Variants in CARMIL1 observed in about 807,000 individuals in gnomAD.
CARMIL1 encodes capping protein regulator and myosin 1 linker 1, also known as F-actin-uncapping protein LRRC16A.
CARMIL1 carries 90 observed loss-of-function variants against 177.1 expected under a neutral mutation model. That is an observed-to-expected ratio of 0.51 (90% CI 0.43 to 0.61). The LOEUF (loss-of-function observed/expected upper bound fraction) is 0.61, where lower values mean the gene tolerates loss of function less well. Among genes scored for constraint, CARMIL1 ranks in the 20% least tolerant of loss-of-function variants. CARMIL1 has a pLI of 0.00. For synonymous variants in CARMIL1, 577 were observed against 606.2 expected (o/e 0.95, Z 0.71); for missense variants, 1,380 against 1,667.0 (o/e 0.83, Z 3.00).
At chr6:25,330,958 A>C (rs1226447888) in intron 2 of CARMIL1, among the ~76,000 whole-genome samples, 1 of 148,108 alleles carries the variant, frequency 6.8e-6, no homozygotes, top group Non-Finnish European at 1.5e-5. Flanking sequence ...TTTTGCTAAA[A>C]GTTTCCCAGA....
chr6:25,542,319 A>G (rs1224625892), intron 26 of CARMIL1, among the ~76,000 whole-genome samples: 1 of 152,210 alleles, frequency 6.6e-6, no homozygotes, highest in African/African-American at 2.4e-5. Context: ...AAATATCCGA[A>G]GTATAACAAT....
intron 2 of CARMIL1, among the ~76,000 whole-genome samples, chr6:25,373,569 A>G (rs1173592460): frequency 6.9e-6 from 1 of 145,664 alleles, no homozygotes; most frequent in African/African-American, 2.5e-5. Flanking sequence ...TAATGTCTCA[A>G]TTTTCATCTC....
chr6:25,519,650 C>T (rs1452157721), intron 22 of CARMIL1, among the ~76,000 whole-genome samples: 1 of 152,202 alleles, frequency 6.6e-6, no homozygotes, highest in African/African-American at 2.4e-5. Context: ...GAGTGTTTAG[C>T]CAGGCAGCAG....
At chr6:25,605,800 T>C (rs980340688) in intron 34 of CARMIL1, among the ~76,000 whole-genome samples, 1 of 152,224 alleles carries the variant, frequency 6.6e-6, no homozygotes, top group African/African-American at 2.4e-5. Flanking sequence ...TTATTAAATA[T>C]AAAAGCTTGT....
intron 2 of CARMIL1, among the ~76,000 whole-genome samples, chr6:25,403,257 C>T (rs1235253307): frequency 6.6e-6 from 1 of 152,124 alleles, no homozygotes; most frequent in East Asian, 1.9e-4. Context: ...TTCACTTCCT[C>T]AGCAAAACCA....
Position 25,476,749 on chromosome 6 carries a change from G to C in CARMIL1, c.874+4228G>C, listed in dbSNP as rs574507915. Among the ~76,000 whole-genome samples the C allele has an allele frequency of 1.1e-4, 16 of 152,174 alleles. No homozygotes were observed. In the East Asian group the frequency reaches 3.1e-3, roughly 29 times the overall value. Reference sequence around the variant, plus strand: ...GAGAGGTCTATAATTAAGTTATACAGGATATAAAAAACACTAAGCCAGGAC... The same window carrying C: ...GAGAGGTCTATAATTAAGTTATACACGATATAAAAAACACTAAGCCAGGAC... On this transcript the variant is annotated intron_variant, in intron 11 of 36. Transcript: ENST00000329474.
At chr6:25,508,975 CTT>C (rs1271482966) in intron 17 of CARMIL1, among the ~76,000 whole-genome samples, 1 of 152,084 alleles carries the variant, frequency 6.6e-6, no homozygotes, top group Non-Finnish European at 1.5e-5. Flanking sequence ...TTGTCTTTCT[CTT>C]TTAAATAAAA....
chr6:25,355,579 C>T (rs143566196), intron 2 of CARMIL1, among the ~76,000 whole-genome samples: 10 of 152,198 alleles, frequency 6.6e-5, no homozygotes, highest in East Asian at 3.9e-4. Context: ...GAGGTTGAGG[C>T]GGGAGGATCA....
Position 25,326,645 on chromosome 6 carries a change from G to C in CARMIL1, c.138+41736G>C, listed in dbSNP as rs1419539117. Reference sequence around the variant, plus strand: ...ACCTGGAGGTGGGACTCAGCAATCTGCTTTAACAAGTCCTTTGGATGATCT... The same window carrying C: ...ACCTGGAGGTGGGACTCAGCAATCTCCTTTAACAAGTCCTTTGGATGATCT... On this transcript the variant is annotated intron_variant, in intron 2 of 36. Coordinates refer to ENST00000329474, the MANE Select transcript of CARMIL1 (RefSeq NM_017640.6). The surrounding 1 kb of genome is among the most constrained non-coding windows in gnomAD (Gnocchi z 4.2). Among the ~76,000 whole-genome samples the C allele has an allele frequency of 8.5e-5, 13 of 152,152 alleles. No homozygotes were observed.
At chr6:25,291,693 T>G (rs1249049543) in intron 2 of CARMIL1, among the ~76,000 whole-genome samples, 1 of 152,208 alleles carries the variant, frequency 6.6e-6, no homozygotes, top group Non-Finnish European at 1.5e-5. Flanking sequence ...GTTTTGGGAT[T>G]GTATTTTGGG....
chr6:25,520,816 C>T (rs917281069), intron 23 of CARMIL1, among the ~76,000 whole-genome samples: 1 of 152,118 alleles, frequency 6.6e-6, no homozygotes, highest in African/African-American at 2.4e-5. Context: ...CTCAGAGGTA[C>T]CTTCCACTTC....
intron 12 of CARMIL1, among the ~76,000 whole-genome samples, chr6:25,484,343 A>G (rs1477905439): frequency 2.0e-5 from 3 of 152,226 alleles, no homozygotes; most frequent in African/African-American, 7.2e-5. Context: ...CCATGCCATC[A>G]TACACTATTC....
At chr6:25,499,069 C>A (rs925982204) in intron 16 of CARMIL1, among the ~76,000 whole-genome samples, 1 of 152,130 alleles carries the variant, frequency 6.6e-6, no homozygotes, top group Non-Finnish European at 1.5e-5. Flanking sequence ...CATGCCACTG[C>A]TGGAGTTCTC....
chr6:25,613,710 G>A (rs1174020311), intron 36 of CARMIL1, among the ~76,000 whole-genome samples: 3 of 152,172 alleles, frequency 2.0e-5, no homozygotes, highest in African/African-American at 4.8e-5. Context: ...TCAAAAATCC[G>A]TTAAAGGAAA....
chr6:25,609,826 A>G (rs1816352171), intron 35 of CARMIL1, among the ~76,000 whole-genome samples: 1 of 152,218 alleles, frequency 6.6e-6, no homozygotes, highest in African/African-American at 2.4e-5. Flanking sequence ...GGATAGATTC[A>G]TATTTGTGCA....
At chr6:25,408,150 G>A (rs546013057) in intron 2 of CARMIL1, among the ~76,000 whole-genome samples, 1 of 152,070 alleles carries the variant, frequency 6.6e-6, no homozygotes, top group South Asian at 2.1e-4. Context: ...AATTACCTGG[G>A]TGTGGTGGCT....
At chr6:25,487,695 TC>T (rs1373683118) in intron 12 of CARMIL1, among the ~76,000 whole-genome samples, 1 of 152,122 alleles carries the variant, frequency 6.6e-6, no homozygotes, top group Non-Finnish European at 1.5e-5. Context: ...CTCAAAGAGC[TC>T]CTTTTCCCTT....
At chr6:25,305,014 A>C (rs1783151664) in intron 2 of CARMIL1, among the ~76,000 whole-genome samples, 1 of 152,182 alleles carries the variant, frequency 6.6e-6, no homozygotes, top group Non-Finnish European at 1.5e-5. Context: ...TTTTAGTTCC[A>C]GTAGAGATAT....
intron 31 of CARMIL1, among the ~76,000 whole-genome samples, chr6:25,586,941 G>A (rs185517987): frequency 0.018 from 2,645 of 150,426 alleles, 69 homozygotes; most frequent in African/African-American, 0.055. Context: ...GATAGAGACC[G>A]TGGAGAGAGA....
Sources: gnomAD v4.1 joint callset for allele counts (sites outside exome capture counted in the v4.1 genomes callset) on GRCh38, gnomAD v4.1.1 for gene constraint, Gnocchi (gnomAD v3.1) non-coding constraint, MANE v1.5 for transcripts, NCBI Gene and HGNC (gene_info 2026-07-23, HGNC 2026-07-21) for gene names.